Variants in NBEA observed in about 807,000 individuals in gnomAD.
The protein encoded by NBEA is neurobeachin.
NBEA carries 44 observed loss-of-function variants against 343.4 expected under a neutral mutation model. That is an observed-to-expected ratio of 0.13 (90% CI 0.10 to 0.16). The LOEUF (loss-of-function observed/expected upper bound fraction) is 0.16. Ranked by LOEUF, NBEA falls within the 10% of genes least tolerant of loss-of-function variation. The probability of loss-of-function intolerance (pLI) is 1.00; values close to 1 mark genes in which losing one functional copy is unlikely to be tolerated. For synonymous variants in NBEA, 1,175 were observed against 1,238.7 expected, an observed-to-expected ratio of 0.95 and a Z score of 1.08; for missense variants, 2,555 against 3,631.3, an observed-to-expected ratio of 0.70 and a Z score of 7.62.
chr13:35,162,439 C>A (rs1437535752), intron 23 of NBEA, among the ~76,000 whole-genome samples: 1 of 152,094 alleles, frequency 6.6e-6, no homozygotes, highest in East Asian at 1.9e-4. Context: ...CCATGCTTCT[C>A]CTCATTTTCC....
chr13:35,457,404 A>G (rs2046642806), intron 40 of NBEA, among the ~76,000 whole-genome samples: 1 of 152,206 alleles, frequency 6.6e-6, no homozygotes, highest in African/African-American at 2.4e-5. Flanking sequence ...TACTCCAGAT[A>G]GAAACCTTGT....
intron 34 of NBEA, among the ~76,000 whole-genome samples, chr13:35,255,747 TCTC>T (rs1555348235): frequency 6.6e-6 from 1 of 152,210 alleles, no homozygotes; most frequent in Non-Finnish European, 1.5e-5. Flanking sequence ...GCAGCTGTTC[TCTC>T]CTCATCACCC....
intron 39 of NBEA, among the ~76,000 whole-genome samples, chr13:35,445,790 A>ATATATATATATATATATATATATG (rs1566144475): frequency 3.0e-3 from 208 of 69,778 alleles, no homozygotes; most frequent in Non-Finnish European, 5.2e-3. Flanking sequence ...GTTTATATAT[A>ATATATATATATATATATATATATG]TATATATATA....
chr13:35,297,359 G>C (rs61202561), intron 35 of NBEA, among the ~76,000 whole-genome samples: 6,292 of 151,908 alleles, frequency 0.041, 150 homozygotes, highest in South Asian at 0.078. Flanking sequence ...TGTTTTAATT[G>C]GATGCTCTTA....
At chr13:35,581,089 C>T (rs376252630) in intron 45 of NBEA, among the ~76,000 whole-genome samples, 16 of 152,212 alleles carry the variant, frequency 1.1e-4, no homozygotes, top group South Asian at 2.1e-4. Context: ...AGCATATTCA[C>T]GACAGAACAA....
intron 41 of NBEA, among the ~76,000 whole-genome samples, chr13:35,534,756 C>G (rs2078446094): frequency 6.6e-6 from 1 of 152,200 alleles, no homozygotes; most frequent in African/African-American, 2.4e-5. Context: ...GAGGGGCCGT[C>G]TCTGTCTTGT....
At chr13:35,132,821 T>C (rs2067500125) in intron 17 of NBEA, among the ~76,000 whole-genome samples, 1 of 152,284 alleles carries the variant, frequency 6.6e-6, no homozygotes, top group African/African-American at 2.4e-5. Flanking sequence ...CATGACTCTA[T>C]ATAATTTTTA....
chr13:35,461,295 A>G (rs2046891454), intron 40 of NBEA, among the ~76,000 whole-genome samples: 1 of 152,234 alleles, frequency 6.6e-6, no homozygotes, highest in Non-Finnish European at 1.5e-5. Flanking sequence ...AACCGTACTC[A>G]TAAGATCTGT....
At chr13:35,080,902 A>G (rs2064357296) in intron 10 of NBEA, among the ~76,000 whole-genome samples, 2 of 152,154 alleles carry the variant, frequency 1.3e-5, no homozygotes, top group African/African-American at 4.8e-5. Flanking sequence ...TGTATAGTGA[A>G]TAGGACCAGG....
chr13:35,276,146 T>C (rs1322440896), intron 34 of NBEA, among the ~76,000 whole-genome samples: 2 of 152,182 alleles, frequency 1.3e-5, no homozygotes, highest in African/African-American at 2.4e-5. Flanking sequence ...TACTTTGATA[T>C]GGTGATTAGA....
chr13:34,977,587 G>A (rs569225140), intron 1 of NBEA, among the ~76,000 whole-genome samples: 10 of 152,252 alleles, frequency 6.6e-5, no homozygotes, highest in Admixed American at 3.9e-4. Flanking sequence ...GGGATTGCAG[G>A]TGTGAGCCAC....
intron 38 of NBEA, among the ~76,000 whole-genome samples, chr13:35,375,788 G>A (rs969946549): frequency 6.6e-6 from 1 of 152,138 alleles, no homozygotes; most frequent in East Asian, 1.9e-4. Context: ...TAAATATAAT[G>A]AGTCAGAAAT....
chr13:35,150,512 T>C (rs1190138507), intron 18 of NBEA, among the ~76,000 whole-genome samples: 1 of 152,162 alleles, frequency 6.6e-6, no homozygotes, highest in Non-Finnish European at 1.5e-5. Flanking sequence ...GTTAACATAG[T>C]AAAGGAAATT....
At chr13:35,422,645 G>A (rs2044369658) in intron 38 of NBEA, among the ~76,000 whole-genome samples, 1 of 152,212 alleles carries the variant, frequency 6.6e-6, no homozygotes, top group Non-Finnish European at 1.5e-5. Flanking sequence ...ATGATTTATA[G>A]TCCTTTGGGT....
chr13:35,473,261 T>TA (rs1566185343), intron 41 of NBEA, among the ~76,000 whole-genome samples: 2 of 152,210 alleles, frequency 1.3e-5, no homozygotes, highest in Non-Finnish European at 2.9e-5. Context: ...ACTTTCATGT[T>TA]ACTGTGCAAT....
chr13:35,586,058 A>G (rs1269049663), intron 46 of NBEA, among the ~76,000 whole-genome samples: 1 of 152,060 alleles, frequency 6.6e-6, no homozygotes, highest in Non-Finnish European at 1.5e-5. Flanking sequence ...TAAATCTCTT[A>G]ATCAATAATT....
rs747663148 is a variant in NBEA at position 35,550,466 on chromosome 13, G to A, written c.6586-11G>A. On this transcript the variant is annotated splice_polypyrimidine_tract_variant and intron_variant, in intron 41 of 58. Transcript: ENST00000379939. ...ATTGATTGACACTTCCCTTTAAACT[G>A]TTTATTTTAGGTTCTTGCATACACT... 8.5e-6 allele frequency: 13 copies of A among 1,533,582 alleles called. No individual in the cohort carries two copies. The highest frequency in any genetic ancestry group is 1.2e-5 in the Non-Finnish European group (13 of 1,110,230). 95.0% of individuals were successfully genotyped at this position (1,533,582 alleles called of 1,614,324 possible).
chr13:35,084,343 A>G (rs1161642073), intron 10 of NBEA, among the ~76,000 whole-genome samples: 1 of 151,502 alleles, frequency 6.6e-6, no homozygotes, highest in Non-Finnish European at 1.5e-5. Flanking sequence ...ACTCCTCAGC[A>G]AATGTAAAAG....
chr13:35,481,404 C>A (rs905719316), intron 41 of NBEA, among the ~76,000 whole-genome samples: 1 of 151,628 alleles, frequency 6.6e-6, no homozygotes, highest in East Asian at 1.9e-4. Context: ...TTCCTCACTT[C>A]ATTTGCATAT....
Sources: gnomAD v4.1 joint callset for allele counts (sites outside exome capture counted in the v4.1 genomes callset) on GRCh38, gnomAD v4.1.1 for gene constraint, MANE v1.5 for transcripts, NCBI Gene and HGNC (gene_info 2026-07-23, HGNC 2026-07-21) for gene names.